The following PTPRO variants were observed in gnomAD, a reference collection of about 807,000 sequenced individuals.
The protein encoded by PTPRO is protein tyrosine phosphatase receptor type O, also known as receptor-type tyrosine-protein phosphatase O.
Under a neutral mutation model 145.2 loss-of-function variants are expected in PTPRO, and 62 were observed. That is an observed-to-expected ratio of 0.43 (90% CI 0.35 to 0.53). The LOEUF is 0.53. Ranked by LOEUF, PTPRO falls within the 20% of genes least tolerant of loss-of-function variation. The probability of loss-of-function intolerance (pLI) is 0.01; values close to 1 mark genes in which losing one functional copy is unlikely to be tolerated. For missense variants in PTPRO, 1,345 were observed against 1,482.7 expected, an observed-to-expected ratio of 0.91 and a Z score of 1.53; for synonymous variants, 565 against 514.7, an observed-to-expected ratio of 1.10 and a Z score of -1.32.
At chr12:15,324,187 A>C (rs1866380373) in intron 1 of PTPRO, among the ~76,000 whole-genome samples, 1 of 152,204 alleles carries the variant, frequency 6.6e-6, no homozygotes, top group Admixed American at 6.5e-5. Flanking sequence ...CAACTATTTT[A>C]CCTATGCAAT....
intron 1 of PTPRO, among the ~76,000 whole-genome samples, chr12:15,440,572 G>A (rs867630510): frequency 1.3e-5 from 2 of 152,028 alleles, no homozygotes; most frequent in African/African-American, 4.8e-5. Flanking sequence ...TAAAAGCAGC[G>A]GTCACAGCCC....
intron 1 of PTPRO, among the ~76,000 whole-genome samples, chr12:15,388,824 C>T (rs1939103702): frequency 6.6e-6 from 1 of 152,020 alleles, no homozygotes; most frequent in East Asian, 1.9e-4. Flanking sequence ...AAATTGTTGC[C>T]ATAGCTAGCT....
intron 1 of PTPRO, among the ~76,000 whole-genome samples, chr12:15,341,968 G>A (rs982756926): frequency 1.4e-4 from 21 of 152,288 alleles, no homozygotes; most frequent in Admixed American, 3.9e-4. Flanking sequence ...TTTGTAAACT[G>A]TAAAGCACAA....
At chr12:15,530,909 T>A (rs1180674821) in intron 12 of PTPRO, among the ~76,000 whole-genome samples, 3 of 151,472 alleles carry the variant, frequency 2.0e-5, no homozygotes, top group African/African-American at 7.3e-5. Flanking sequence ...AGACTAAAAA[T>A]AAATACAGAA....
At chr12:15,433,872 GT>G (rs1163391630) in intron 1 of PTPRO, among the ~76,000 whole-genome samples, 34 of 152,240 alleles carry the variant, frequency 2.2e-4, no homozygotes, top group Admixed American at 5.2e-4. Context: ...TTTTAAAATA[GT>G]TTTTTTCTAG....
At chr12:15,376,752 T>G (rs1197376038) in intron 1 of PTPRO, among the ~76,000 whole-genome samples, 1 of 152,070 alleles carries the variant, frequency 6.6e-6, no homozygotes, top group Non-Finnish European at 1.5e-5. Flanking sequence ...GTCAGAGAGT[T>G]GTCTAGGGTT....
intron 1 of PTPRO, among the ~76,000 whole-genome samples, chr12:15,359,359 C>A (rs1373192996): frequency 6.7e-6 from 1 of 150,146 alleles, no homozygotes; most frequent in Non-Finnish European, 1.5e-5. Flanking sequence ...TTATTAGATT[C>A]ATTTTCAGAT....
chr12:15,428,134 T>A (rs1177385148), intron 1 of PTPRO, among the ~76,000 whole-genome samples: 1 of 152,124 alleles, frequency 6.6e-6, no homozygotes, highest in Non-Finnish European at 1.5e-5. Context: ...GGCACTCTCA[T>A]GATTGCAAAA....
At chr12:15,369,261 T>C (rs183165821) in intron 1 of PTPRO, among the ~76,000 whole-genome samples, 45 of 152,312 alleles carry the variant, frequency 3.0e-4, no homozygotes, top group Admixed American at 1.6e-3. Flanking sequence ...ACATACCCTA[T>C]GATTAAAAGC....
intron 1 of PTPRO, among the ~76,000 whole-genome samples, chr12:15,325,441 A>G (rs912243128): frequency 6.6e-6 from 1 of 152,222 alleles, no homozygotes; most frequent in African/African-American, 2.4e-5. Context: ...GACTGTCTAA[A>G]TCATTCACTG....
intron 1 of PTPRO, among the ~76,000 whole-genome samples, chr12:15,458,005 A>G (rs1007637627): frequency 2.6e-5 from 4 of 152,166 alleles, no homozygotes; most frequent in Non-Finnish European, 4.4e-5. Context: ...GTTTCAACTT[A>G]AAGAACTCCC....
At position 15,483,957 on chromosome 12, in the gene PTPRO, T is replaced by A; in HGVS notation, c.76-17T>A. On this transcript the variant is annotated splice_polypyrimidine_tract_variant and intron_variant, in intron 1 of 26. Transcript: ENST00000281171. ...GAATATAACCTCCATCTCTTTTTATTCTGTTTCATTCAACAGAATGCTACA... is the reference window on the plus strand; with the variant it reads ...GAATATAACCTCCATCTCTTTTTATACTGTTTCATTCAACAGAATGCTACA... 6.2e-7 allele frequency: 1 copy of A among 1,610,844 alleles called. No individual in the cohort carries two copies. The highest frequency in any genetic ancestry group is 8.5e-7 in the Non-Finnish European group (1 of 1,177,400).
At chr12:15,495,764 A>G (rs1942086361) in intron 2 of PTPRO, among the ~76,000 whole-genome samples, 1 of 152,200 alleles carries the variant, frequency 6.6e-6, no homozygotes, top group Non-Finnish European at 1.5e-5. Context: ...AATTATTCAT[A>G]TAAGGATGGC....
intron 13 of PTPRO, among the ~76,000 whole-genome samples, chr12:15,548,528 A>ATG (rs34372542): frequency 0.082 from 12,230 of 149,244 alleles, 864 homozygotes; most frequent in African/African-American, 0.19. Context: ...GTGTATATAT[A>ATG]TGTGTGTGTG....
At chr12:15,587,326 C>A in intron 24 of PTPRO, 1 of 445,744 alleles carries the variant, frequency 2.2e-6, no homozygotes, top group Non-Finnish European at 4.1e-6. Flanking sequence ...GTTCATGCAA[C>A]TAGAACATGG....
chr12:15,438,544 C>T lies in PTPRO; in HGVS notation c.76-45430C>T, dbSNP rs377054326. Among the ~76,000 whole-genome samples the T allele has an allele frequency of 5.3e-5, 8 of 152,030 alleles. No individual in the cohort carries two copies. The East Asian group carries it at 5.8e-4, about 11-fold the overall frequency. On this transcript the variant is annotated intron_variant, in intron 1 of 26. Transcript: ENST00000281171. Reference sequence around the variant, plus strand: ...AGAGCTTCTGGAATTGAAAAACTCACGTAAAGAATTCCAAAATACAAATGA... The same window carrying T: ...AGAGCTTCTGGAATTGAAAAACTCATGTAAAGAATTCCAAAATACAAATGA...
chr12:15,546,887 G>A (rs1943305704), intron 13 of PTPRO, among the ~76,000 whole-genome samples, 179 bp downstream of exon 13: 1 of 152,212 alleles, frequency 6.6e-6, no homozygotes, highest in Admixed American at 6.5e-5. Context: ...GTTGTTATGA[G>A]AACTTTTATC....
chr12:15,582,501 A>G (rs1591767517), intron 23 of PTPRO, among the ~76,000 whole-genome samples: 1 of 152,232 alleles, frequency 6.6e-6, no homozygotes, highest in African/African-American at 2.4e-5. Flanking sequence ...GGAGAGGCTG[A>G]GAAGACGCAG....
intron 1 of PTPRO, among the ~76,000 whole-genome samples, chr12:15,384,275 T>G (rs559754894): frequency 6.6e-6 from 1 of 152,184 alleles, no homozygotes; most frequent in South Asian, 2.1e-4. Flanking sequence ...ATGTACCTAG[T>G]AGTGGGATTG....
Sources: allele counts gnomAD v4.1 joint callset (sites outside exome capture counted in the v4.1 genomes callset), GRCh38; gene constraint gnomAD v4.1.1; transcripts MANE v1.5; gene names NCBI Gene and HGNC (gene_info 2026-07-23, HGNC 2026-07-21).